The following XRCC1 variants were observed in gnomAD, a reference collection of about 807,000 sequenced individuals.
XRCC1 encodes the protein DNA repair protein XRCC1.
In XRCC1, 52 loss-of-function variants were observed where a neutral mutation model predicts 83.3. That is an observed-to-expected ratio of 0.62 (90% confidence interval 0.50 to 0.79). The LOEUF (loss-of-function observed/expected upper bound fraction) is 0.79, where lower values mean the gene tolerates loss of function less well. Among genes scored for constraint, XRCC1 ranks in the 30% least tolerant of loss-of-function variants. The pLI is 0.00. For missense variants in XRCC1, 793 were observed against 823.5 expected, an observed-to-expected ratio of 0.96 and a Z score of 0.45; for synonymous variants, 281 against 312.6, an observed-to-expected ratio of 0.90 and a Z score of 1.07.
intron 2 of XRCC1, among the ~76,000 whole-genome samples, chr19:43,569,214 T>C (rs1057217008): frequency 3.3e-5 from 5 of 152,110 alleles, no homozygotes; most frequent in Non-Finnish European, 7.3e-5. Flanking sequence ...GGCTCATGTC[T>C]GTAATCCCAA....
intron 2 of XRCC1, among the ~76,000 whole-genome samples, chr19:43,567,355 C>T (rs1367545235): frequency 1.3e-5 from 2 of 151,776 alleles, no homozygotes; most frequent in African/African-American, 4.8e-5. Flanking sequence ...CTCTGTTGCC[C>T]AGGCTGGAGT....
chr19:43,551,230 A>G (rs1972571060), intron 10 of XRCC1, among the ~76,000 whole-genome samples: 1 of 152,086 alleles, frequency 6.6e-6, no homozygotes, highest in Non-Finnish European at 1.5e-5. Context: ...AGCCTCCCAG[A>G]GTGCTGGGAT....
intron 3 of XRCC1, among the ~76,000 whole-genome samples, chr19:43,556,951 G>C (rs1454726685): frequency 6.6e-6 from 1 of 152,094 alleles, no homozygotes; most frequent in Non-Finnish European, 1.5e-5. Flanking sequence ...GTGATGGTGA[G>C]CCGAGATTGT....
chr19:43,570,660 C>T (rs770006496), intron 2 of XRCC1, among the ~76,000 whole-genome samples: 2 of 152,160 alleles, frequency 1.3e-5, no homozygotes, highest in African/African-American at 4.8e-5. Context: ...CGGCACACGC[C>T]TGTAGTCCCA....
At chr19:43,568,634 A>G (rs1209280192) in intron 2 of XRCC1, among the ~76,000 whole-genome samples, 1 of 151,920 alleles carries the variant, frequency 6.6e-6, no homozygotes, top group African/African-American at 2.4e-5. Context: ...TGAATTTTTT[A>G]AAAAGGGATG....
intron 10 of XRCC1, among the ~76,000 whole-genome samples, chr19:43,551,336 T>A (rs1972572188): frequency 6.6e-6 from 1 of 152,202 alleles, no homozygotes; most frequent in African/African-American, 2.4e-5. Flanking sequence ...CACAAACTGC[T>A]CCTCCAGCCT....
In XRCC1 at chr19:43,544,834, G is replaced by T. The variant is rs190807092; in HGVS notation, c.1622-600C>A. 8.6e-3 allele frequency among the ~76,000 whole-genome samples: 1,191 copies of T among 139,160 alleles called. 9 individuals carry two copies. Among genetic ancestry groups the T allele is most frequent in the Middle Eastern group, 0.026 (7 of 268 alleles). 91.3% of individuals were successfully genotyped at this position (139,160 alleles called of 152,430 possible). The stretch of plus-strand genomic sequence containing the variant: ...CTAATTTTTAAAATGTTTTGTAAAG[G>T]CGGGGGTCGGGGGGGGTCTCACTAT... On this transcript the variant is annotated intron_variant, in intron 14 of 16. Transcript: ENST00000262887.
At chr19:43,551,796 T>A (rs539502571) in intron 9 of XRCC1, 109 bp from the exon 10 acceptor site, 10 of 1,045,048 alleles carry the variant, frequency 9.6e-6, no homozygotes, top group Admixed American at 5.4e-5. Context: ...GACAGACAGA[T>A]CATGAGATTG....
intron 12 of XRCC1, 108 bp from the exon 13 acceptor site, chr19:43,546,214 G>T: frequency 1.6e-6 from 2 of 1,285,604 alleles, no homozygotes; most frequent in Non-Finnish European, 2.2e-6. Context: ...AGCCTCAACT[G>T]CCCTCCAGAT....
intron 1 of XRCC1, 57 bp downstream of exon 1, chr19:43,575,351 G>A (rs1429296296): frequency 6.5e-7 from 1 of 1,537,086 alleles, no homozygotes; most frequent in East Asian, 2.3e-5. Flanking sequence ...GCTCTTTTAA[G>A]AGCTATCCTC....
At chr19:43,566,832 T>C (rs978991427) in intron 2 of XRCC1, among the ~76,000 whole-genome samples, 4 of 145,192 alleles carry the variant, frequency 2.8e-5, no homozygotes, top group Admixed American at 7.1e-5. Flanking sequence ...TGAGCCGAGA[T>C]TGCACCACTG....
At chr19:43,557,592 T>C (rs1050016531) in intron 3 of XRCC1, among the ~76,000 whole-genome samples, 1 of 151,718 alleles carries the variant, frequency 6.6e-6, no homozygotes, top group African/African-American at 2.4e-5. Flanking sequence ...AAGCTGCATT[T>C]ATCATCTGGT....
chr19:43,554,924 G>T, intron 3 of XRCC1, 120 bp from the exon 4 acceptor site: 1 of 1,168,162 alleles, frequency 8.6e-7, no homozygotes, highest in Non-Finnish European at 1.2e-6. Context: ...CTAGAATGTA[G>T]CTTGGGCCTA....
chr19:43,561,107 C>T lies in XRCC1; in HGVS notation c.145-87G>A. On this transcript the variant is annotated intron_variant, in intron 2 of 16. Coordinates refer to ENST00000262887, the MANE Select transcript of XRCC1 (RefSeq NM_006297.3). ...CTCAGGATGAATCTCCTTTGGATCA[C>T]CATGTCCCTGTAATGTCAATTCTGT... is the stretch of plus-strand genomic sequence containing the variant. The T allele has an allele frequency of 4.7e-6, 5 of 1,059,102 alleles. No individual in the cohort carries two copies. The South Asian group carries it at 6.4e-5, about 13-fold the overall frequency. The allele number at this position is 1,059,102 out of a possible 1,614,324, so 65.6% of individuals were successfully genotyped here. A position where few individuals can be genotyped will look rare whatever the true frequency, so the allele number is the denominator to read the frequency against.
Position 43,554,812 on chromosome 19 carries a change from G to C in XRCC1, c.256-8C>G. The C allele has an allele frequency of 1.2e-6, 2 of 1,608,470 alleles. No individual in the cohort carries two copies. Among genetic ancestry groups the C allele is most frequent in the Non-Finnish European group, 1.7e-6 (2 of 1,175,956 alleles). ...TGAGGTGACCAGAAGGACCTGGGTG[G>C]GAGAAGCCACAGTGCATGAGAACCA... On this transcript the variant is annotated splice_region_variant and splice_polypyrimidine_tract_variant and intron_variant, in intron 3 of 16. Coordinates refer to ENST00000262887, the MANE Select transcript of XRCC1 (RefSeq NM_006297.3).
intron 2 of XRCC1, 128 bp from the exon 3 acceptor site, chr19:43,561,148 G>A: frequency 1.3e-6 from 1 of 744,060 alleles, no homozygotes; most frequent in East Asian, 2.5e-5. Flanking sequence ...GGCACACCAG[G>A]GTTGAATGGT....
intron 15 of XRCC1, 77 bp downstream of exon 15, chr19:43,544,067 C>T (rs1972483284): frequency 7.3e-7 from 1 of 1,372,616 alleles, no homozygotes; most frequent in Non-Finnish European, 1.0e-6. Context: ...TTCCCACACC[C>T]CCACCCCTCC....
chr19:43,553,704 G>T, intron 4 of XRCC1, 21 bp from the exon 5 acceptor site: 13 of 1,520,058 alleles, frequency 8.6e-6, no homozygotes, highest in Non-Finnish European at 1.2e-5. Context: ...AGGGGTGGGA[G>T]TCAGGGAGTC....
At chr19:43,560,699 G>A (rs1700117479) in intron 3 of XRCC1, among the ~76,000 whole-genome samples, 1 of 152,174 alleles carries the variant, frequency 6.6e-6, no homozygotes, top group African/African-American at 2.4e-5. Flanking sequence ...TTTAAGCCAT[G>A]ATCCAAACTT....
Sources: allele counts gnomAD v4.1 joint callset (sites outside exome capture counted in the v4.1 genomes callset), GRCh38; gene constraint gnomAD v4.1.1; transcripts MANE v1.5; gene names NCBI Gene and HGNC (gene_info 2026-07-23, HGNC 2026-07-21).